The following PCDHA10 variants were observed in gnomAD, a reference collection of about 807,000 sequenced individuals.
PCDHA10 encodes the protein protocadherin alpha-10.
Under a neutral mutation model 61.2 loss-of-function variants are expected in PCDHA10, and 45 were observed. The ratio of observed to expected loss-of-function variants is 0.74; its 90% confidence interval spans 0.58 to 0.94. The LOEUF (loss-of-function observed/expected upper bound fraction) is 0.94, where lower values mean the gene tolerates loss of function less well. Ranked by LOEUF, PCDHA10 falls within the 40% of genes least tolerant of loss-of-function variation. The probability of loss-of-function intolerance (pLI) is 0.00; values close to 1 mark genes in which losing one functional copy is unlikely to be tolerated. For missense variants in PCDHA10, 1,278 were observed against 1,236.2 expected, an observed-to-expected ratio of 1.03 and a Z score of -0.51; for synonymous variants, 602 against 548.8, an observed-to-expected ratio of 1.10 and a Z score of -1.35.
At chr5:140,933,351 T>C (rs2089082227) in intron 1 of PCDHA10, among the ~76,000 whole-genome samples, 1 of 152,024 alleles carries the variant, frequency 6.6e-6, no homozygotes, top group South Asian at 2.1e-4. Flanking sequence ...AAACACTTTA[T>C]TTCTAACCCA....
At chr5:140,926,926 T>C in intron 1 of PCDHA10, 1 of 1,573,576 alleles carries the variant, frequency 6.4e-7, no homozygotes, top group South Asian at 1.2e-5. Flanking sequence ...TTTATGTTTG[T>C]GGGTTTCCTG....
intron 1 of PCDHA10, among the ~76,000 whole-genome samples, chr5:140,970,887 G>A (rs2096441583): frequency 6.6e-6 from 1 of 152,118 alleles, no homozygotes; most frequent in Non-Finnish European, 1.5e-5. Context: ...TTTTCTCATG[G>A]ACATTTCAGA....
intron 1 of PCDHA10, among the ~76,000 whole-genome samples, chr5:140,922,302 A>G (rs2080767601): frequency 6.6e-6 from 1 of 152,222 alleles, no homozygotes; most frequent in African/African-American, 2.4e-5. Flanking sequence ...AGGAGAGGAT[A>G]CCTTTCACTG....
intron 1 of PCDHA10, among the ~76,000 whole-genome samples, chr5:140,976,508 G>A (rs1039409709): frequency 6.6e-6 from 1 of 151,976 alleles, no homozygotes; most frequent in Non-Finnish European, 1.5e-5. Context: ...CCAAGATCGC[G>A]CCACTGCACA....
At chr5:140,965,109 C>T (rs940351305) in intron 1 of PCDHA10, among the ~76,000 whole-genome samples, 3 of 152,168 alleles carry the variant, frequency 2.0e-5, no homozygotes, top group African/African-American at 7.2e-5. Context: ...GAAAATGACC[C>T]ATAGAGGAAG....
intron 1 of PCDHA10, among the ~76,000 whole-genome samples, chr5:140,974,062 G>T (rs1014435483): frequency 2.0e-5 from 3 of 152,222 alleles, no homozygotes; most frequent in Non-Finnish European, 4.4e-5. Context: ...ATTTGGAGCA[G>T]TATAATCTAT....
intron 1 of PCDHA10, among the ~76,000 whole-genome samples, chr5:140,937,127 T>TC: frequency 6.7e-6 from 1 of 149,014 alleles, no homozygotes. Context: ...AAGCTCCGCC[T>TC]CCCGGGTTCA....
chr5:140,989,517 G>A (rs782479733), intron 3 of PCDHA10, among the ~76,000 whole-genome samples: 4 of 152,186 alleles, frequency 2.6e-5, no homozygotes, highest in Non-Finnish European at 5.9e-5. Flanking sequence ...CCTGAGTTGA[G>A]GGCAGAGGAG....
intron 1 of PCDHA10, chr5:140,868,109 A>G (rs1371639409): frequency 6.6e-6 from 1 of 152,124 alleles, no homozygotes; most frequent in Non-Finnish European, 1.5e-5. Flanking sequence ...AATTTATTTT[A>G]TAGTTGAAAA....
intron 1 of PCDHA10, chr5:140,877,371 G>T: frequency 6.2e-7 from 1 of 1,613,994 alleles, no homozygotes; most frequent in Non-Finnish European, 8.5e-7. Flanking sequence ...AGATCAGCAC[G>T]ACACGCATCC....
At chr5:140,897,438 G>A (rs2066109195) in intron 1 of PCDHA10, among the ~76,000 whole-genome samples, 1 of 149,226 alleles carries the variant, frequency 6.7e-6, no homozygotes, top group African/African-American at 2.5e-5. Context: ...AACATGCAGT[G>A]TTTGGTTTTT....
intron 1 of PCDHA10, chr5:140,929,696 A>G (rs955159626): frequency 2.6e-5 from 7 of 266,458 alleles, no homozygotes; most frequent in African/African-American, 1.3e-4. Flanking sequence ...TCTGCTTTAT[A>G]TGAATATAAT....
chr5:140,975,461 G>A (rs2096668419), intron 1 of PCDHA10, among the ~76,000 whole-genome samples: 1 of 152,196 alleles, frequency 6.6e-6, no homozygotes, highest in Non-Finnish European at 1.5e-5. Context: ...GGCCATCTTG[G>A]AATTCTGCCT....
intron 1 of PCDHA10, chr5:140,862,770 G>A (rs1554156952): frequency 3.5e-6 from 2 of 576,708 alleles, no homozygotes; most frequent in Non-Finnish European, 6.7e-6. Context: ...AGAGGTACGC[G>A]TTGCAGCCAC....
rs544594142 is a variant in PCDHA10, at chr5:141,011,456, T to C, written c.*1519T>C. On this transcript the variant is annotated 3_prime_UTR_variant, in exon 4 of 4. Transcript: ENST00000307360. Reference sequence around the variant, plus strand: ...TACCTAGAGTGAACTTTAAGCTTTATTGTTGAATGTAATTCCATTATATTT... The same window carrying C: ...TACCTAGAGTGAACTTTAAGCTTTACTGTTGAATGTAATTCCATTATATTT... The C allele has an allele frequency of 1.3e-5, 2 of 153,928 alleles. No homozygotes were observed. The highest frequency in any genetic ancestry group is 6.8e-3 in the Middle Eastern group (2 of 292). 9.5% of individuals were successfully genotyped at this position (153,928 alleles called of 1,614,324 possible).
intron 1 of PCDHA10, among the ~76,000 whole-genome samples, chr5:140,925,773 A>G (rs2082712352): frequency 6.6e-6 from 1 of 151,966 alleles, no homozygotes; most frequent in African/African-American, 2.4e-5. Context: ...TCCTGGTCAA[A>G]CTCTAATGAG....
At chr5:140,867,018 T>C (rs1445969805) in intron 1 of PCDHA10, 1 of 152,176 alleles carries the variant, frequency 6.6e-6, no homozygotes, top group Non-Finnish European at 1.5e-5. Context: ...TCATACACTA[T>C]ATCAAACTCT....
At chr5:140,865,089 T>C (rs1462427966) in intron 1 of PCDHA10, 2 of 152,250 alleles carry the variant, frequency 1.3e-5, no homozygotes, top group Admixed American at 1.3e-4. Context: ...GGGATATTAA[T>C]AAAGGCACTT....
chr5:140,974,534 G>A (rs929112962), intron 1 of PCDHA10, among the ~76,000 whole-genome samples: 4 of 151,974 alleles, frequency 2.6e-5, no homozygotes, highest in Admixed American at 1.3e-4. Flanking sequence ...TTTTTGAGAC[G>A]GAGTTTTGCT....
Sources: gnomAD v4.1 joint callset for allele counts (sites outside exome capture counted in the v4.1 genomes callset) on GRCh38, gnomAD v4.1.1 for gene constraint, MANE v1.5 for transcripts, NCBI Gene and HGNC (gene_info 2026-07-23, HGNC 2026-07-21) for gene names.